SPIRE1: variants seen among roughly 807,000 people sequenced by gnomAD.
SPIRE1 encodes protein spire homolog 1.
In SPIRE1, 40 loss-of-function variants were observed where a neutral mutation model predicts 94.1. The observed-to-expected ratio is 0.43, with a 90% CI of 0.33 to 0.55. The LOEUF (loss-of-function observed/expected upper bound fraction) is 0.55. SPIRE1 is among the 20% of genes least tolerant of loss of function. The pLI is 0.06. For synonymous variants in SPIRE1, 376 were observed against 371.7 expected, an observed-to-expected ratio of 1.01 and a Z score of -0.13; for missense variants, 838 against 975.2, an observed-to-expected ratio of 0.86 and a Z score of 1.87.
chr18:12,559,096 T>C lies in SPIRE1; in HGVS notation c.373-12192A>G, dbSNP rs868710974. ...CCACGTGCCTGCACTCCTCAGCCCTTGGGCGGTAGATGGGACCAGGCACCT... is the reference window on the plus strand; with the variant it reads ...CCACGTGCCTGCACTCCTCAGCCCTCGGGCGGTAGATGGGACCAGGCACCT... On this transcript the variant is annotated intron_variant, in intron 2 of 16. Coordinates refer to ENST00000409402, the MANE Select transcript of SPIRE1 (RefSeq NM_001128626.2). This position sits in a 1 kb window ranked among gnomAD's most constrained non-coding sequence, Gnocchi z 4.7. Among the ~76,000 whole-genome samples, 1 of 136,096 alleles carries C rather than the reference T, an allele frequency of 7.3e-6. No homozygotes were observed. Among genetic ancestry groups the C allele is most frequent in the Non-Finnish European group, 1.5e-5 (1 of 65,224 alleles). 89.3% of individuals were successfully genotyped at this position (136,096 alleles called of 152,430 possible).
chr18:12,479,464 A>G (rs992880069), intron 10 of SPIRE1, among the ~76,000 whole-genome samples: 2 of 152,130 alleles, frequency 1.3e-5, no homozygotes, highest in African/African-American at 4.8e-5. Context: ...GTGAGCTAAC[A>G]TGCCCGACAA....
chr18:12,479,758 G>C lies in SPIRE1; in HGVS notation c.1345C>G (p.Gln449Glu). The change falls in exon 10 of 17, where the codon CAG (glutamine) becomes GAG (glutamate). Residue 449 changes from glutamine (Q) to glutamate (E), a missense_variant. Physicochemically the swap from Gln to Glu is conservative, Grantham distance 29. Coordinates refer to ENST00000409402, the MANE Select transcript of SPIRE1 (RefSeq NM_001128626.2). ...GGGGCTCTGAGGAGCTTCTTCCGCT[G>C]TGCAGGCACCTGCTGTGAGGTACTT... ...GLSTSQQVPAQRKKLLRAPTL... is the reference protein window; with the variant it reads ...GLSTSQQVPAERKKLLRAPTL... 1 of 1,614,100 alleles carries C rather than the reference G, an allele frequency of 6.2e-7. No individual in the cohort carries two copies. Among genetic ancestry groups the C allele is most frequent in the Non-Finnish European group, 8.5e-7 (1 of 1,180,000 alleles).
At chr18:12,450,281 C>A (rs2031169663) in intron 16 of SPIRE1, among the ~76,000 whole-genome samples, 1 of 151,918 alleles carries the variant, frequency 6.6e-6, no homozygotes, top group Admixed American at 6.6e-5. Context: ...ATCGCTTGAA[C>A]CCGGGAGGTG....
intron 4 of SPIRE1, among the ~76,000 whole-genome samples, chr18:12,514,817 G>A (rs2034147831): frequency 6.6e-6 from 1 of 151,888 alleles, no homozygotes; most frequent in Non-Finnish European, 1.5e-5. Flanking sequence ...GCCAATAGGT[G>A]GATGAATAAA....
At chr18:12,553,338 G>A (rs987784244) in intron 2 of SPIRE1, among the ~76,000 whole-genome samples, 3 of 152,090 alleles carry the variant, frequency 2.0e-5, no homozygotes, top group Non-Finnish European at 4.4e-5. Flanking sequence ...GGGCCAGAGG[G>A]GAGCCCACTG....
chr18:12,618,223 T>C (rs1156365840), intron 2 of SPIRE1, among the ~76,000 whole-genome samples: 1 of 152,040 alleles, frequency 6.6e-6, no homozygotes, highest in African/African-American at 2.4e-5. Flanking sequence ...TGCCTCAGCC[T>C]CCCGAGTAGC....
chr18:12,454,792 AT>A (rs1449694111), intron 12 of SPIRE1, among the ~76,000 whole-genome samples: 11 of 152,230 alleles, frequency 7.2e-5, no homozygotes, highest in African/African-American at 2.7e-4. Context: ...ATATTGAAAT[AT>A]TTCAAGCAGG....
At chr18:12,478,771 T>C (rs1423490964) in intron 10 of SPIRE1, among the ~76,000 whole-genome samples, 1 of 152,100 alleles carries the variant, frequency 6.6e-6, no homozygotes, top group Non-Finnish European at 1.5e-5. Context: ...TATACAATAC[T>C]GACATCGCAG....
chr18:12,510,459 T>A (rs747343274), intron 5 of SPIRE1, among the ~76,000 whole-genome samples: 2 of 152,070 alleles, frequency 1.3e-5, no homozygotes, highest in Non-Finnish European at 2.9e-5. Context: ...ATTCATATGA[T>A]AATGGCATGA....
At chr18:12,609,219 C>T (rs2037070960) in intron 2 of SPIRE1, among the ~76,000 whole-genome samples, 1 of 152,208 alleles carries the variant, frequency 6.6e-6, no homozygotes, top group African/African-American at 2.4e-5. Flanking sequence ...CCGGGGATTG[C>T]AGACCCCTGC....
chr18:12,472,679 G>T (rs555492153), intron 10 of SPIRE1, among the ~76,000 whole-genome samples: 9 of 143,526 alleles, frequency 6.3e-5, no homozygotes, highest in Admixed American at 2.1e-4. Context: ...TTTTTTTTGC[G>T]GGGGGGGACT....
rs1004803708 is a variant in SPIRE1, at chr18:12,449,651, A to T, written c.2258T>A (p.Ile753Asn). Residue 753 changes from isoleucine to asparagine, a missense_variant, in exon 17 of 17, where the codon ATC (isoleucine) becomes AAC (asparagine). Ile to Asn is a moderately radical substitution (Grantham distance 149). Transcript: ENST00000409402. Reference protein sequence around the residue: ...PSEYCPSERTISEI With the variant: ...PSEYCPSERTNSEI ...AAGGCACGAGGCTCAGATCTCACTG[A>T]TCGTCCTCTCTGAAGGGCAGTACTC... The T allele has an allele frequency of 3.7e-6, 6 of 1,613,992 alleles. No individual in the cohort carries two copies. The African/African-American group carries it at 6.7e-5, about 18-fold the overall frequency.
intron 10 of SPIRE1, among the ~76,000 whole-genome samples, chr18:12,476,541 C>CAAAA (rs558968043): frequency 2.8e-4 from 13 of 46,834 alleles, no homozygotes; most frequent in South Asian, 1.1e-3. Flanking sequence ...ACTCTGTCTC[C>CAAAA]AAAAAAAAAA....
At chr18:12,636,040 C>T (rs2037916020) in intron 1 of SPIRE1, among the ~76,000 whole-genome samples, 1 of 151,936 alleles carries the variant, frequency 6.6e-6, no homozygotes, top group South Asian at 2.1e-4. Context: ...CTACAGGCAC[C>T]CACCACCATG....
chr18:12,575,082 G>T (rs144198508), intron 2 of SPIRE1, among the ~76,000 whole-genome samples: 6 of 152,196 alleles, frequency 3.9e-5, no homozygotes, highest in African/African-American at 1.4e-4. Flanking sequence ...ATGAGACAGG[G>T]CAGAGGTAGG....
At chr18:12,581,160 C>A (rs1468115386) in intron 2 of SPIRE1, among the ~76,000 whole-genome samples, 1 of 152,104 alleles carries the variant, frequency 6.6e-6, no homozygotes. Context: ...ACAGGTGAGA[C>A]CGGCAATCCC....
At chr18:12,610,546 G>A (rs2037109703) in intron 2 of SPIRE1, among the ~76,000 whole-genome samples, 1 of 151,774 alleles carries the variant, frequency 6.6e-6, no homozygotes, top group African/African-American at 2.4e-5. Context: ...TACTCATTTG[G>A]ACAGACCACA....
chr18:12,592,467 C>A (rs1396463593), intron 2 of SPIRE1, among the ~76,000 whole-genome samples: 2 of 152,116 alleles, frequency 1.3e-5, no homozygotes, highest in Admixed American at 6.5e-5. Context: ...TCATCTAATC[C>A]AATTCCTTTG....
intron 7 of SPIRE1, among the ~76,000 whole-genome samples, chr18:12,494,453 T>TG (rs2033360404): frequency 6.6e-6 from 1 of 152,022 alleles, no homozygotes; most frequent in Non-Finnish European, 1.5e-5. Context: ...CACTCTGGCC[T>TG]GGGAGACACA....
Sources: allele counts gnomAD v4.1 joint callset (sites outside exome capture counted in the v4.1 genomes callset), GRCh38; gene constraint gnomAD v4.1.1; non-coding constraint Gnocchi (gnomAD v3.1); transcripts MANE v1.5; gene names NCBI Gene and HGNC (gene_info 2026-07-23, HGNC 2026-07-21).